NRXN3: variants seen among roughly 807,000 people sequenced by gnomAD.
NRXN3 encodes neurexin III.
A neutral mutation model predicts 137.6 loss-of-function variants in NRXN3; 32 were observed. That is an observed-to-expected ratio of 0.23 (90% CI 0.18 to 0.31). The LOEUF is 0.31. NRXN3 is among the 10% of genes least tolerant of loss of function. The probability of loss-of-function intolerance (pLI) is 1.00; values close to 1 mark genes in which losing one functional copy is unlikely to be tolerated. For missense variants in NRXN3, 1,574 were observed against 2,062.5 expected (o/e 0.76, Z 4.59); for synonymous variants, 798 against 784.5 (o/e 1.02, Z -0.29).
chr14:79,200,152 T>G (rs529909789), intron 15 of NRXN3: 1 of 152,090 alleles, frequency 6.6e-6, no homozygotes, highest in Admixed American at 6.6e-5. Flanking sequence ...GTTCTGAAGG[T>G]GAGAGTTTTG....
intron 4 of NRXN3, among the ~76,000 whole-genome samples, chr14:78,409,630 A>G (rs1370833959): frequency 2.0e-5 from 3 of 152,252 alleles, no homozygotes; most frequent in Admixed American, 1.3e-4. Flanking sequence ...AGTGTTCAGT[A>G]TAATTTGGGT....
intron 1 of NRXN3, among the ~76,000 whole-genome samples, chr14:78,226,560 T>G (rs2064700106): frequency 6.6e-6 from 1 of 152,180 alleles, no homozygotes; most frequent in African/African-American, 2.4e-5. Context: ...TAGGTACTAA[T>G]AAGGAAAATG....
chr14:78,694,999 G>A (rs946662037), intron 6 of NRXN3, among the ~76,000 whole-genome samples: 1 of 151,984 alleles, frequency 6.6e-6, no homozygotes, highest in South Asian at 2.1e-4. Flanking sequence ...GAGGTCATAA[G>A]TCAGTTTCAC....
intron 15 of NRXN3, among the ~76,000 whole-genome samples, chr14:79,315,463 C>T (rs1265991752): frequency 6.6e-6 from 1 of 152,164 alleles, no homozygotes; most frequent in Non-Finnish European, 1.5e-5. Flanking sequence ...ACAGCCTTTA[C>T]AGAAACGTGG....
At chr14:79,825,226 T>A (rs1017843951) in intron 20 of NRXN3, among the ~76,000 whole-genome samples, 3 of 138,300 alleles carry the variant, frequency 2.2e-5, no homozygotes, top group Admixed American at 7.7e-5. Context: ...TTTTTTTTTT[T>A]ACGGCCGTCC....
intron 8 of NRXN3, among the ~76,000 whole-genome samples, chr14:78,800,038 A>C (rs1449185770): frequency 6.6e-6 from 1 of 152,206 alleles, no homozygotes; most frequent in Non-Finnish European, 1.5e-5. Context: ...TAGAAGAAAT[A>C]AAAATTTTGT....
intron 15 of NRXN3, among the ~76,000 whole-genome samples, chr14:79,315,160 T>C (rs2088279973): frequency 6.6e-6 from 1 of 152,214 alleles, no homozygotes; most frequent in Non-Finnish European, 1.5e-5. Flanking sequence ...TGAGCTGTGA[T>C]GGAGAATAGC....
intron 4 of NRXN3, among the ~76,000 whole-genome samples, chr14:78,348,654 C>A (rs1011416977): frequency 1.3e-5 from 2 of 152,176 alleles, no homozygotes; most frequent in African/African-American, 4.8e-5. Flanking sequence ...GGTCCCCGGA[C>A]CAACAGCATC....
At chr14:79,631,912 CACCAATCAGCTCTCTGTCAAAACGG>C (rs2098355128) in intron 16 of NRXN3, among the ~76,000 whole-genome samples, 1 of 152,140 alleles carries the variant, frequency 6.6e-6, no homozygotes, top group Non-Finnish European at 1.5e-5. Flanking sequence ...TTTGTAAATG[CACCAATCAGCTCTCTGTCAAAACGG>C]ACCAATCAGC....
intron 4 of NRXN3, among the ~76,000 whole-genome samples, chr14:78,419,949 G>GTA (rs1567539168): frequency 2.0e-4 from 1 of 4,938 alleles, no homozygotes; most frequent in African/African-American, 2.3e-4. Flanking sequence ...GTGTGTGCGC[G>GTA]CGCGCGCGCA....
intron 15 of NRXN3, among the ~76,000 whole-genome samples, chr14:79,015,594 C>A (rs1442211265): frequency 3.3e-5 from 5 of 152,076 alleles, no homozygotes; most frequent in African/African-American, 1.2e-4. Flanking sequence ...GTAAAGAGAG[C>A]AAAATCCAGA....
intron 8 of NRXN3, among the ~76,000 whole-genome samples, chr14:78,764,730 T>C (rs1389108027): frequency 6.6e-6 from 1 of 152,106 alleles, no homozygotes. Flanking sequence ...TTCCTGAATG[T>C]AAAAAACACC....
intron 10 of NRXN3, among the ~76,000 whole-genome samples, chr14:78,944,914 G>C (rs561869479): frequency 1.3e-5 from 2 of 152,260 alleles, no homozygotes; most frequent in African/African-American, 4.8e-5. Flanking sequence ...ACTGAGACTA[G>C]AGCCCTGAGA....
intron 1 of NRXN3, among the ~76,000 whole-genome samples, chr14:78,208,468 T>C (rs555732919): frequency 6.6e-6 from 1 of 152,336 alleles, no homozygotes; most frequent in African/African-American, 2.4e-5. Flanking sequence ...CTCCCCCTTA[T>C]AATCCTTCAA....
intron 6 of NRXN3, among the ~76,000 whole-genome samples, chr14:78,687,413 G>A (rs1047327048): frequency 6.6e-6 from 1 of 152,176 alleles, no homozygotes; most frequent in Non-Finnish European, 1.5e-5. Context: ...GAAGTGATGG[G>A]AATTGTAAGT....
chr14:79,341,683 T>C (rs562877570), intron 15 of NRXN3, among the ~76,000 whole-genome samples: 8 of 152,262 alleles, frequency 5.3e-5, no homozygotes, highest in African/African-American at 1.9e-4. Context: ...GGTATAATAA[T>C]TGGTTATAAA....
intron 8 of NRXN3, among the ~76,000 whole-genome samples, chr14:78,776,068 A>G (rs778417131): frequency 1.3e-4 from 20 of 152,224 alleles, no homozygotes; most frequent in Non-Finnish European, 2.8e-4. Flanking sequence ...CTTCAGTCAC[A>G]CACTCACACC....
chr14:79,032,653 C>G (rs2099609963), intron 15 of NRXN3, among the ~76,000 whole-genome samples: 1 of 152,174 alleles, frequency 6.6e-6, no homozygotes. Flanking sequence ...CTTTCTTCCA[C>G]TTAAATTCAT....
chr14:79,732,439 C>A (rs1187867566), intron 19 of NRXN3, among the ~76,000 whole-genome samples: 3 of 152,114 alleles, frequency 2.0e-5, no homozygotes, highest in African/African-American at 7.2e-5. Flanking sequence ...TCTGGTTGGC[C>A]TCAATTGTGC....
Sources: allele counts gnomAD v4.1 joint callset (sites outside exome capture counted in the v4.1 genomes callset), GRCh38; gene constraint gnomAD v4.1.1; transcripts MANE v1.5; gene names NCBI Gene and HGNC (gene_info 2026-07-23, HGNC 2026-07-21).